Variants in PRKG1 observed in about 807,000 individuals in gnomAD.
PRKG1 encodes cGMP-dependent protein kinase 1.
PRKG1 carries 35 observed loss-of-function variants against 88.1 expected under a neutral mutation model. The observed-to-expected ratio is 0.40, with a 90% confidence interval of 0.30 to 0.53. The LOEUF is 0.53. PRKG1 is among the 20% of genes least tolerant of loss of function. The pLI is 0.59. For missense variants in PRKG1, 540 were observed against 839.8 expected (o/e 0.64, Z 4.41); for synonymous variants, 303 against 292.5 (o/e 1.04, Z -0.37).
intron 2 of PRKG1, among the ~76,000 whole-genome samples, chr10:51,295,107 T>C (rs1564433912): frequency 6.6e-6 from 1 of 152,052 alleles, no homozygotes; most frequent in Non-Finnish European, 1.5e-5. Flanking sequence ...AAAGGATTGC[T>C]TTGGCTATTG....
At chr10:51,807,352 A>G (rs1307600513) in intron 4 of PRKG1, among the ~76,000 whole-genome samples, 3 of 152,198 alleles carry the variant, frequency 2.0e-5, no homozygotes, top group South Asian at 2.1e-4. Flanking sequence ...TCACACATCC[A>G]TGAAGCCATG....
chr10:51,565,799 T>TG (rs1837587393), intron 3 of PRKG1, among the ~76,000 whole-genome samples: 1 of 148,570 alleles, frequency 6.7e-6, no homozygotes, highest in African/African-American at 2.6e-5. Flanking sequence ...TTACTTTTGG[T>TG]GAAAAAAAAA....
rs71029341 is a variant in PRKG1, at chr10:51,016,673, C to CT, written c.266+25048dup. On this transcript the variant is annotated intron_variant, in intron 1 of 17. Coordinates refer to the PRKG1 transcript ENST00000401604. ...AGTGAAGAAGGTATTATTATCCTTT[C>CT]TTTTTTTTTTTTTTTTTTTGGAATC... is the stretch of plus-strand genomic sequence containing the variant. Among the ~76,000 whole-genome samples, 808 of 35,200 alleles carry CT rather than the reference C, an allele frequency of 0.023. 193 individuals carry two copies. In the East Asian group the frequency reaches 0.31, roughly 13 times the overall value. 23.1% of individuals were successfully genotyped at this position (35,200 alleles called of 152,430 possible).
At chr10:51,524,681 C>G (rs563193829) in intron 3 of PRKG1, among the ~76,000 whole-genome samples, 1 of 152,024 alleles carries the variant, frequency 6.6e-6, no homozygotes, top group Non-Finnish European at 1.5e-5. Flanking sequence ...CCATTTCTGC[C>G]CCTGTGTATG....
chr10:52,097,475 G>A (rs1847198598), intron 7 of PRKG1, among the ~76,000 whole-genome samples: 1 of 152,026 alleles, frequency 6.6e-6, no homozygotes, highest in Admixed American at 6.6e-5. Flanking sequence ...AAGATTTAAT[G>A]ATTCTAGAAT....
At chr10:51,799,750 C>G (rs143720672) in intron 3 of PRKG1, among the ~76,000 whole-genome samples, 184 of 152,122 alleles carry the variant, frequency 1.2e-3, no homozygotes, top group Non-Finnish European at 1.5e-3. Flanking sequence ...CCTGCCATTG[C>G]CACTCCCACT....
intron 5 of PRKG1, among the ~76,000 whole-genome samples, chr10:52,003,584 T>C (rs777346423): frequency 2.6e-5 from 4 of 152,176 alleles, no homozygotes; most frequent in Non-Finnish European, 5.9e-5. Context: ...GCAAACATTA[T>C]TGAACACCTT....
intron 3 of PRKG1, among the ~76,000 whole-genome samples, chr10:51,504,523 T>G (rs1316501935): frequency 2.0e-5 from 3 of 152,214 alleles, no homozygotes; most frequent in Non-Finnish European, 4.4e-5. Flanking sequence ...CATTGGTAGC[T>G]TGATGGGGAT....
intron 2 of PRKG1, among the ~76,000 whole-genome samples, chr10:51,319,406 C>T (rs1320962325): frequency 1.3e-5 from 2 of 152,194 alleles, no homozygotes; most frequent in Non-Finnish European, 2.9e-5. Context: ...AATTTTTGGC[C>T]TGCTTTGTGC....
intron 3 of PRKG1, among the ~76,000 whole-genome samples, chr10:51,506,713 A>G (rs1171099357): frequency 6.6e-6 from 1 of 152,150 alleles, no homozygotes; most frequent in Non-Finnish European, 1.5e-5. Context: ...GGGACTGTAA[A>G]CTAGTTCAAC....
intron 5 of PRKG1, among the ~76,000 whole-genome samples, chr10:51,978,422 T>C (rs901215552): frequency 2.1e-5 from 3 of 145,720 alleles, no homozygotes; most frequent in Non-Finnish European, 3.0e-5. Context: ...AGGATTGCCT[T>C]GGCCATTCGG....
chr10:51,528,938 A>G (rs565254643), intron 3 of PRKG1, among the ~76,000 whole-genome samples: 9 of 152,256 alleles, frequency 5.9e-5, no homozygotes, highest in African/African-American at 2.2e-4. Context: ...TAAAATCCAT[A>G]AAAGTTCTGA....
In PRKG1 at chr10:50,994,467, T is replaced by A. The variant is rs767285408; in HGVS notation, c.266+2823T>A. On this transcript the variant is annotated intron_variant, in intron 1 of 17. Coordinates refer to the PRKG1 transcript ENST00000401604. The stretch of plus-strand genomic sequence containing the variant: ...CTCTGTCGCCCAGGCTGGAGTGGAG[T>A]GGTGCGATCTCCGGCTCACTGCAAG... 9.3e-5 allele frequency among the ~76,000 whole-genome samples: 12 copies of A among 128,428 alleles called. 1 individual carries two copies. The Admixed American group carries it at 1.0e-3, about 11-fold the overall frequency. The allele number at this position is 128,428 out of a possible 152,430, so 84.3% of individuals were successfully genotyped here.
intron 3 of PRKG1, among the ~76,000 whole-genome samples, chr10:51,765,485 T>C (rs1838134189): frequency 6.6e-6 from 1 of 152,230 alleles, no homozygotes; most frequent in Non-Finnish European, 1.5e-5. Context: ...AATTAACCTC[T>C]CATTGCTGCT....
At chr10:52,036,540 G>GT (rs1845615142) in intron 5 of PRKG1, among the ~76,000 whole-genome samples, 1 of 151,992 alleles carries the variant, frequency 6.6e-6, no homozygotes, top group African/African-American at 2.4e-5. Flanking sequence ...GGGTGATTAG[G>GT]TTTTAATGAG....
chr10:51,409,677 A>G (rs1838022600), intron 2 of PRKG1, among the ~76,000 whole-genome samples: 1 of 151,606 alleles, frequency 6.6e-6, no homozygotes, highest in African/African-American at 2.4e-5. Flanking sequence ...ACATGGTGAA[A>G]CCCCATCTCT....
At chr10:51,022,193 C>T (rs1367956006) in intron 1 of PRKG1, among the ~76,000 whole-genome samples, 2 of 152,112 alleles carry the variant, frequency 1.3e-5, no homozygotes, top group Admixed American at 6.6e-5. Flanking sequence ...GCAGTTCCTC[C>T]AGTTGTCAGT....
intron 3 of PRKG1, among the ~76,000 whole-genome samples, chr10:51,708,687 T>A (rs1245439185): frequency 1.3e-5 from 2 of 152,210 alleles, no homozygotes; most frequent in African/African-American, 4.8e-5. Context: ...GTATCTGTGA[T>A]TCAATTCAGC....
chr10:51,206,398 C>T (rs1838060910), intron 2 of PRKG1, among the ~76,000 whole-genome samples: 1 of 151,118 alleles, frequency 6.6e-6, no homozygotes, highest in Non-Finnish European at 1.5e-5. Flanking sequence ...GAGGCTGAGG[C>T]ATAGAATTGC....
Sources: allele counts gnomAD v4.1 joint callset (sites outside exome capture counted in the v4.1 genomes callset), GRCh38; gene constraint gnomAD v4.1.1; transcripts MANE v1.5; gene names NCBI Gene and HGNC (gene_info 2026-07-23, HGNC 2026-07-21).